The following STK3 variants were observed in gnomAD, a reference collection of about 807,000 sequenced individuals.
STK3 encodes serine/threonine kinase 3, also known as serine/threonine-protein kinase 3.
In STK3, 41 loss-of-function variants were observed where a neutral mutation model predicts 58.0. The ratio of observed to expected loss-of-function variants is 0.71; its 90% CI spans 0.55 to 0.92. The LOEUF (loss-of-function observed/expected upper bound fraction) is 0.92. Among genes scored for constraint, STK3 ranks in the 40% least tolerant of loss-of-function variants. STK3 has a pLI of 0.00. For synonymous variants in STK3, 170 were observed against 191.0 expected, an observed-to-expected ratio of 0.89 and a Z score of 0.91; for missense variants, 479 against 602.7, an observed-to-expected ratio of 0.79 and a Z score of 2.15.
At chr8:98,775,499 C>T (rs1831618168) in intron 1 of STK3, among the ~76,000 whole-genome samples, 1 of 152,344 alleles carries the variant, frequency 6.6e-6, no homozygotes, top group East Asian at 1.9e-4. Context: ...GGAGCCAAGA[C>T]TGTGCATTAC....
chr8:98,705,375 T>A (rs2131060557), intron 6 of STK3, among the ~76,000 whole-genome samples: 1 of 150,218 alleles, frequency 6.7e-6, no homozygotes, highest in Non-Finnish European at 1.5e-5. Flanking sequence ...ATCGCACTAC[T>A]ACAATCCAGG....
intron 6 of STK3, among the ~76,000 whole-genome samples, chr8:98,680,972 C>T (rs1243282490): frequency 1.3e-5 from 2 of 148,908 alleles, no homozygotes; most frequent in African/African-American, 4.9e-5. Context: ...AGTTTCTAAC[C>T]CCACCTTTCT....
At chr8:98,403,478 A>C (rs1817964252) in intron 3 of STK3, among the ~76,000 whole-genome samples, 1 of 152,238 alleles carries the variant, frequency 6.6e-6, no homozygotes, top group Non-Finnish European at 1.5e-5. Flanking sequence ...GTGACAAAAC[A>C]GAAGTTTAAT....
At chr8:98,491,223 C>G (rs928162242) in intron 10 of STK3, among the ~76,000 whole-genome samples, 1 of 151,078 alleles carries the variant, frequency 6.6e-6, no homozygotes. Flanking sequence ...GAGAAGTACT[C>G]TTTCTGTTTT....
intron 1 of STK3, among the ~76,000 whole-genome samples, chr8:98,812,952 G>A (rs1371836875): frequency 6.6e-6 from 1 of 151,682 alleles, no homozygotes; most frequent in East Asian, 1.9e-4. Flanking sequence ...AAGTTAATGG[G>A]TGCAGCATAC....
chr8:98,726,630 C>A (rs1373323923), intron 4 of STK3, among the ~76,000 whole-genome samples: 1 of 152,190 alleles, frequency 6.6e-6, no homozygotes, highest in African/African-American at 2.4e-5. Flanking sequence ...TAGTACAGCA[C>A]TGATCATTAG....
At chr8:98,394,129 T>C (rs1450908915) in intron 3 of STK3, among the ~76,000 whole-genome samples, 1 of 151,968 alleles carries the variant, frequency 6.6e-6, no homozygotes, top group African/African-American at 2.4e-5. Context: ...AACTCTCAAG[T>C]AGTGGGAGGA....
At chr8:98,928,003 T>A (rs1839865389) in intron 1 of STK3, among the ~76,000 whole-genome samples, 1 of 152,226 alleles carries the variant, frequency 6.6e-6, no homozygotes, top group Non-Finnish European at 1.5e-5. Flanking sequence ...TGGGTTTTTG[T>A]CACTTGCAAA....
At chr8:98,631,285 A>G (rs1819208533) in intron 6 of STK3, among the ~76,000 whole-genome samples, 1 of 152,060 alleles carries the variant, frequency 6.6e-6, no homozygotes, top group South Asian at 2.1e-4. Flanking sequence ...TTCCTGTTTC[A>G]CTCAGGGTAA....
chr8:98,630,556 T>A (rs1305146316), intron 6 of STK3, among the ~76,000 whole-genome samples: 2 of 151,874 alleles, frequency 1.3e-5, no homozygotes, highest in East Asian at 1.9e-4. Context: ...GGTGGGAGAA[T>A]CACTTGAGCC....
At chr8:98,922,821 A>G (rs1415599654) in intron 1 of STK3, among the ~76,000 whole-genome samples, 1 of 152,250 alleles carries the variant, frequency 6.6e-6, no homozygotes, top group African/African-American at 2.4e-5. Flanking sequence ...ATCAAAGTAC[A>G]TGCTGTTTGC....
At chr8:98,672,119 A>C (rs1447337027) in intron 6 of STK3, among the ~76,000 whole-genome samples, 3 of 152,106 alleles carry the variant, frequency 2.0e-5, no homozygotes, top group South Asian at 4.2e-4. Context: ...GCACCATGAG[A>C]ATGAACTAAC....
At chr8:98,429,655 G>T in intron 3 of STK3, 1 of 491,302 alleles carries the variant, frequency 2.0e-6, no homozygotes, top group Non-Finnish European at 3.7e-6. Flanking sequence ...TGCATCGTGG[G>T]CATAAAATGT....
chr8:98,828,965 A>T (rs1429293253), upstream of STK3, among the ~76,000 whole-genome samples: 2 of 152,236 alleles, frequency 1.3e-5, no homozygotes, highest in Non-Finnish European at 2.9e-5. Flanking sequence ...GCTGGATAGC[A>T]TCCTTTTGGT....
chr8:98,710,994 T>C (rs1299256632), intron 4 of STK3, among the ~76,000 whole-genome samples: 1 of 152,156 alleles, frequency 6.6e-6, no homozygotes, highest in African/African-American at 2.4e-5. Flanking sequence ...TATCCACTGT[T>C]CTGCAGCCTC....
chr8:98,506,059 T>C (rs993571630), intron 10 of STK3, among the ~76,000 whole-genome samples: 5 of 152,208 alleles, frequency 3.3e-5, no homozygotes, highest in African/African-American at 9.6e-5. Flanking sequence ...CCACCCAGTT[T>C]GAGCTTCCCA....
downstream of STK3, among the ~76,000 whole-genome samples, chr8:98,451,170 C>T (rs184311807): frequency 5.9e-5 from 9 of 152,186 alleles, no homozygotes; most frequent in East Asian, 1.7e-3. Flanking sequence ...GAAAGACAGC[C>T]TGTATGATTA....
At chr8:98,604,984 A>G (rs935400379) in intron 6 of STK3, among the ~76,000 whole-genome samples, 2 of 152,216 alleles carry the variant, frequency 1.3e-5, no homozygotes, top group Non-Finnish European at 2.9e-5. Context: ...TTGTTAATGC[A>G]TAACAAAAGT....
intron 10 of STK3, among the ~76,000 whole-genome samples, chr8:98,484,829 TATAC>T (rs1384623499): frequency 6.6e-6 from 1 of 152,192 alleles, no homozygotes; most frequent in Non-Finnish European, 1.5e-5. Flanking sequence ...TGTACATGTG[TATAC>T]ATACATATAC....
Sources: allele counts gnomAD v4.1 joint callset (sites outside exome capture counted in the v4.1 genomes callset), GRCh38; gene constraint gnomAD v4.1.1; transcripts MANE v1.5; gene names NCBI Gene and HGNC (gene_info 2026-07-23, HGNC 2026-07-21).